Variants in CSMD1 observed in about 807,000 individuals in gnomAD.
CSMD1 encodes the protein CUB and Sushi multiple domains 1.
In CSMD1, 213 loss-of-function variants were observed where a neutral mutation model predicts 417.5. The observed-to-expected ratio is 0.51, with a 90% CI of 0.46 to 0.57. The LOEUF (loss-of-function observed/expected upper bound fraction) is 0.57. Ranked by LOEUF, CSMD1 falls within the 20% of genes least tolerant of loss-of-function variation. The probability of loss-of-function intolerance (pLI) is 0.00; values close to 1 mark genes in which losing one functional copy is unlikely to be tolerated. For synonymous variants in CSMD1, 2,862 were observed against 1,736.8 expected, an observed-to-expected ratio of 1.65 and a Z score of -16.11; for missense variants, 6,923 against 4,529.7, an observed-to-expected ratio of 1.53 and a Z score of -15.17.
Position 3,219,384 on chromosome 8 carries a change from T to G in CSMD1, c.4543A>C (p.Ser1515Arg), listed in dbSNP as rs1288149719. The G allele has an allele frequency of 6.4e-7, 1 of 1,566,304 alleles. No homozygotes were observed. The highest frequency in any genetic ancestry group is 8.7e-7 in the Non-Finnish European group (1 of 1,155,358). Residue 1515 changes from serine to arginine, a missense_variant, in exon 29 of 70, where the codon AGC (serine) becomes CGC (arginine). Ser to Arg is a moderately radical substitution (Grantham distance 110). Transcript: ENST00000635120. ...CCCTGGTAACTCCCAATGAGGGGGC[T>G]GTTGGAATCTTCCCCTTCATAGATG... The part of the protein sequence containing the change: ...LHIYEGEDSN[S>R]PLIGSYQGSQ...
chr8:4,772,928 C>T (rs2118570), intron 1 of CSMD1, among the ~76,000 whole-genome samples: 120,903 of 152,118 alleles, frequency 0.79, 48,535 homozygotes, highest in East Asian at 0.97. Flanking sequence ...TACAATACTT[C>T]ATCCCTGCAA....
intron 1 of CSMD1, among the ~76,000 whole-genome samples, chr8:4,797,634 C>T (rs191977524): frequency 2.5e-4 from 38 of 152,094 alleles, no homozygotes; most frequent in Admixed American, 1.8e-3. Context: ...CAGTATAAAG[C>T]GAAGATATAG....
At chr8:4,005,308 A>T (rs1013941220) in intron 4 of CSMD1, among the ~76,000 whole-genome samples, 1 of 152,326 alleles carries the variant, frequency 6.6e-6, no homozygotes, top group Admixed American at 6.5e-5. Flanking sequence ...TAATAAAAAA[A>T]GTTTCAAGCC....
At position 3,877,902 on chromosome 8, in the gene CSMD1, G is replaced by C. The variant is rs75004592; in HGVS notation, c.818+120001C>G. On this transcript the variant is annotated intron_variant, in intron 5 of 69. Transcript: ENST00000635120. ...TTCAGAAGGAAAATTGTATCTTCAA[G>C]TAAATCATTTTATAGGTCGTGGCCA... 1.2e-4 allele frequency among the ~76,000 whole-genome samples: 18 copies of C among 150,324 alleles called. No individual in the cohort carries two copies. In the East Asian group the frequency reaches 3.1e-3, roughly 26 times the overall value.
chr8:4,248,358 T>C (rs879752228), intron 3 of CSMD1, among the ~76,000 whole-genome samples: 2 of 152,168 alleles, frequency 1.3e-5, no homozygotes, highest in Non-Finnish European at 2.9e-5. Flanking sequence ...GCTTTTACCA[T>C]CTCATCCCTT....
intron 10 of CSMD1, among the ~76,000 whole-genome samples, chr8:3,550,282 C>A (rs6992116): frequency 0.063 from 9,661 of 152,144 alleles, 637 homozygotes; most frequent in African/African-American, 0.16. Context: ...TGGCTGCCCT[C>A]TCCTGTTTTC....
Position 3,630,524 on chromosome 8 carries a change from C to T in CSMD1, c.1010-13727G>A, listed in dbSNP as rs55844953. Reference sequence around the variant, plus strand: ...ATTTATATGTTAAACAGTTCATCGTCGCTACTCCTACAGACCCAGGCAAAG... The same window carrying T: ...ATTTATATGTTAAACAGTTCATCGTTGCTACTCCTACAGACCCAGGCAAAG... On this transcript the variant is annotated intron_variant, in intron 7 of 69. Transcript: ENST00000635120. Among the ~76,000 whole-genome samples the T allele has an allele frequency of 6.8e-3, 1,034 of 152,280 alleles. 9 individuals are homozygous for T. The highest frequency in any genetic ancestry group is 0.024 in the African/African-American group (989 of 41,558).
At chr8:3,084,524 C>CA (rs201491681) in intron 49 of CSMD1, among the ~76,000 whole-genome samples, 1,260 of 97,510 alleles carry the variant, frequency 0.013, 21 homozygotes, top group Middle Eastern at 0.024. Flanking sequence ...AACTCCGTCT[C>CA]AAAAAAAAAA....
chr8:4,247,956 C>T (rs1346240948), intron 3 of CSMD1, among the ~76,000 whole-genome samples: 1 of 152,004 alleles, frequency 6.6e-6, no homozygotes, highest in Non-Finnish European at 1.5e-5. Flanking sequence ...AATTTTTTGT[C>T]TTCTTTTGGA....
intron 3 of CSMD1, among the ~76,000 whole-genome samples, chr8:4,246,896 G>A (rs115666192): frequency 2.1e-3 from 319 of 152,174 alleles, no homozygotes; most frequent in African/African-American, 7.2e-3. Context: ...CTTTTTCCGT[G>A]CATAAATGTT....
intron 5 of CSMD1, among the ~76,000 whole-genome samples, chr8:3,818,648 G>A (rs748719166): frequency 6.6e-6 from 1 of 152,184 alleles, no homozygotes; most frequent in Non-Finnish European, 1.5e-5. Context: ...GGGATGCCCG[G>A]CATCGTCTGA....
chr8:3,002,801 A>G (rs915360016), intron 52 of CSMD1, among the ~76,000 whole-genome samples: 1 of 152,234 alleles, frequency 6.6e-6, no homozygotes, highest in African/African-American at 2.4e-5. Context: ...CCTGACAGCC[A>G]TGACTGTAAA....
chr8:3,805,769 AC>A (rs1174997749), intron 5 of CSMD1, among the ~76,000 whole-genome samples: 1 of 151,872 alleles, frequency 6.6e-6, no homozygotes, highest in Non-Finnish European at 1.5e-5. Flanking sequence ...TCCGTCCCCT[AC>A]CCCAGTCTTT....
intron 1 of CSMD1, among the ~76,000 whole-genome samples, chr8:4,784,754 A>C (rs1452220530): frequency 2.0e-5 from 3 of 152,250 alleles, no homozygotes; most frequent in East Asian, 1.9e-4. Flanking sequence ...TCATATCTGC[A>C]AAGATCTTAA....
intron 12 of CSMD1, among the ~76,000 whole-genome samples, chr8:3,443,560 GA>G (rs1443825816): frequency 1.3e-5 from 2 of 152,172 alleles, no homozygotes; most frequent in African/African-American, 4.8e-5. Flanking sequence ...TTTACAGGGG[GA>G]AAGTGAAACA....
At chr8:4,059,338 T>G (rs1008244108) in intron 3 of CSMD1, among the ~76,000 whole-genome samples, 2 of 142,526 alleles carry the variant, frequency 1.4e-5, no homozygotes, top group African/African-American at 5.2e-5. Flanking sequence ...CAAGAGAAAG[T>G]AGGAAAGATC....
chr8:3,134,097 G>A (rs557881741), intron 41 of CSMD1, among the ~76,000 whole-genome samples: 1 of 152,134 alleles, frequency 6.6e-6, no homozygotes, highest in Admixed American at 6.5e-5. Context: ...ACTTGAACCA[G>A]GGAGTTAGAG....
chr8:3,406,231 A>G lies in CSMD1; in HGVS notation c.2072-10T>C. The G allele has an allele frequency of 6.4e-7, 1 of 1,564,712 alleles. No individual in the cohort carries two copies. Among genetic ancestry groups the G allele is most frequent in the Non-Finnish European group, 8.6e-7 (1 of 1,156,300 alleles). On this transcript the variant is annotated splice_polypyrimidine_tract_variant and intron_variant, in intron 14 of 69. Transcript: ENST00000635120. ...TCATTCTGACCAAATGCTGAAAGAA[A>G]AAGAAGAAGAAAAAAGGAATAAAAA...
intron 2 of CSMD1, among the ~76,000 whole-genome samples, chr8:4,574,390 C>T (rs551004394): frequency 6.6e-6 from 1 of 152,218 alleles, no homozygotes; most frequent in African/African-American, 2.4e-5. Context: ...GTTACCCAGC[C>T]CCTTGCACTT....
Sources: gnomAD v4.1 joint callset for allele counts (sites outside exome capture counted in the v4.1 genomes callset) on GRCh38, gnomAD v4.1.1 for gene constraint, MANE v1.5 for transcripts, NCBI Gene and HGNC (gene_info 2026-07-23, HGNC 2026-07-21) for gene names.